Variants in COL13A1 observed in about 807,000 individuals in gnomAD.
The protein encoded by COL13A1 is collagen type XIII alpha 1 chain.
COL13A1 carries 89 observed loss-of-function variants against 130.9 expected under a neutral mutation model. That is an observed-to-expected ratio of 0.68 (90% CI 0.57 to 0.81). COL13A1 has a LOEUF of 0.81. COL13A1 is among the 30% of genes least tolerant of loss of function. The pLI, the probability that COL13A1 is intolerant of heterozygous loss-of-function variation, is 0.00. For missense variants in COL13A1, 879 were observed against 934.6 expected (o/e 0.94, Z 0.78); for synonymous variants, 402 against 341.6 (o/e 1.18, Z -1.95).
chr10:69,872,346 T>C, intron 4 of COL13A1, 136 bp downstream of exon 4: 1 of 1,000,932 alleles, frequency 1.0e-6, no homozygotes, highest in Non-Finnish European at 1.5e-6. Flanking sequence ...GTCCCTGATC[T>C]ATAGCTTAGG....
At chr10:69,917,462 TC>T in intron 18 of COL13A1, 129 bp downstream of exon 18, 1 of 803,674 alleles carries the variant, frequency 1.2e-6, no homozygotes, top group Non-Finnish European at 2.0e-6. Context: ...GCCCTGGTTC[TC>T]CCAGCTGCAG....
intron 2 of COL13A1, among the ~76,000 whole-genome samples, chr10:69,867,027 C>T (rs1334192232): frequency 6.6e-6 from 1 of 152,170 alleles, no homozygotes; most frequent in Non-Finnish European, 1.5e-5. Flanking sequence ...CTAAACCTTC[C>T]CTCCCGCTCC....
intron 40 of COL13A1, 99 bp from the exon 41 acceptor site, chr10:69,958,600 T>C (rs2071261078): frequency 1.3e-6 from 2 of 1,592,528 alleles, no homozygotes; most frequent in African/African-American, 1.3e-5. Flanking sequence ...AGAACTCCCA[T>C]CCAACCCAGG....
At chr10:69,927,248 G>C in intron 27 of COL13A1, 138 bp downstream of exon 27, 5 of 1,379,702 alleles carry the variant, frequency 3.6e-6, no homozygotes, top group Non-Finnish European at 5.1e-6. Context: ...AACAGGGCTG[G>C]GGCAGATGAT....
chr10:69,837,769 G>A (rs556417248), intron 2 of COL13A1, among the ~76,000 whole-genome samples: 21 of 151,796 alleles, frequency 1.4e-4, no homozygotes, highest in African/African-American at 4.6e-4. Context: ...TCATGTTCCC[G>A]TGGAACGGCG....
At chr10:69,895,483 G>A (rs72805171) in intron 12 of COL13A1, 67 bp from the exon 13 acceptor site, 30,320 of 1,548,372 alleles carry the variant, frequency 0.02, 366 homozygotes, top group Middle Eastern at 0.027. Context: ...AGTGCTGGGG[G>A]TGCCCTGAGA....
At chr10:69,893,752 G>A (rs1003278808) in intron 10 of COL13A1, among the ~76,000 whole-genome samples, 1 of 152,214 alleles carries the variant, frequency 6.6e-6, no homozygotes, top group African/African-American at 2.4e-5. Context: ...ACTGAGCCAT[G>A]GGGCCTTGTC....
intron 31 of COL13A1, among the ~76,000 whole-genome samples, chr10:69,933,195 A>G (rs2066388807): frequency 7.1e-6 from 1 of 140,990 alleles, no homozygotes; most frequent in Non-Finnish European, 1.5e-5. Flanking sequence ...AGCTCACAAT[A>G]CCCCATAATG....
intron 7 of COL13A1, among the ~76,000 whole-genome samples, chr10:69,885,656 G>A (rs529050275): frequency 6.6e-6 from 1 of 152,274 alleles, no homozygotes; most frequent in Non-Finnish European, 1.5e-5. Context: ...TGTCCCTAGC[G>A]GGATGGAAGA....
At chr10:69,876,669 A>G (rs1045237805) in intron 5 of COL13A1, among the ~76,000 whole-genome samples, 4 of 152,174 alleles carry the variant, frequency 2.6e-5, no homozygotes, top group Non-Finnish European at 5.9e-5. Context: ...AACGTGATTC[A>G]ACCATCCTTT....
At chr10:69,926,127 C>T (rs2065320282) in intron 26 of COL13A1, 1 of 515,474 alleles carries the variant, frequency 1.9e-6, no homozygotes, top group Admixed American at 3.4e-5. Context: ...GTTATCCTGC[C>T]TCAGGGCCCC....
In COL13A1 at chr10:69,921,923, C is replaced by T. The variant is rs1164538753; in HGVS notation, c.1131C>T (p.Leu377=). The change falls in exon 22 of 41, where the codon CTC becomes CTT. Residue 377 remains leucine (L), a synonymous_variant. Transcript: ENST00000645393. ...AAGGCTCCCCTGGGCTTCCTGGCCT[C>T]CTGGGGCAGAAGGTAGGTGTTGCTC... ...GAEGSPGLPG[L]LGQKGEKGDA... is the part of the protein sequence containing the mutation. 1.2e-6 allele frequency: 2 copies of T among 1,606,072 alleles called. No individual in the cohort carries two copies. The highest frequency in any genetic ancestry group is 1.7e-5 in the Admixed American group (1 of 59,032).
At chr10:69,861,361 C>T (rs1858020153) in intron 2 of COL13A1, among the ~76,000 whole-genome samples, 1 of 152,142 alleles carries the variant, frequency 6.6e-6, no homozygotes, top group Non-Finnish European at 1.5e-5. Context: ...CTCTGGGGAC[C>T]TCCTGGGGCC....
chr10:69,892,639 G>T (rs1460298132), intron 10 of COL13A1, among the ~76,000 whole-genome samples: 1 of 152,220 alleles, frequency 6.6e-6, no homozygotes, highest in Non-Finnish European at 1.5e-5. Context: ...CTCAGTGGCG[G>T]TTAGCACAGG....
At chr10:69,920,012 C>G (rs1040858023) in intron 21 of COL13A1, among the ~76,000 whole-genome samples, 1 of 152,216 alleles carries the variant, frequency 6.6e-6, no homozygotes, top group Non-Finnish European at 1.5e-5. Flanking sequence ...CTTTCCTTCT[C>G]CACATGGCCT....
intron 26 of COL13A1, among the ~76,000 whole-genome samples, chr10:69,926,320 T>G (rs2065350561): frequency 6.6e-6 from 1 of 152,222 alleles, no homozygotes; most frequent in Non-Finnish European, 1.5e-5. Context: ...TCCCCACCCT[T>G]TAAAGCAGGG....
At chr10:69,935,497 G>A in intron 32 of COL13A1, 106 bp downstream of exon 32, 2 of 871,102 alleles carry the variant, frequency 2.3e-6, no homozygotes, top group Non-Finnish European at 3.4e-6. Flanking sequence ...TCCTCCCAGG[G>A]AGGGATTTTC....
At position 69,947,340 on chromosome 10, in the gene COL13A1, C is replaced by T. The variant is rs756426858; in HGVS notation, c.2056C>T (p.Arg686Trp). The change falls in exon 38 of 41, where the codon CGG becomes TGG. Residue 686 changes from arginine (R) to tryptophan (W), a missense_variant and splice_region_variant. Arg to Trp is a moderately radical substitution (Grantham distance 101). Coordinates refer to ENST00000645393, the MANE Select transcript of COL13A1 (RefSeq NM_001368882.1). ...LHGPPGDKGN[R>W]GERGKKGSRG... ...TGGACCACCCGGGGACAAGGGAAAC[C>T]GGGTGAGTCTGAGCCCCTGCACTCG... 10 of 1,612,202 alleles carry T rather than the reference C, an allele frequency of 6.2e-6. No homozygotes were observed. Among genetic ancestry groups the T allele is most frequent in the Non-Finnish European group, 8.5e-6 (10 of 1,179,080 alleles).
At chr10:69,868,722 G>A (rs1427967667) in intron 3 of COL13A1, among the ~76,000 whole-genome samples, 1 of 152,106 alleles carries the variant, frequency 6.6e-6, no homozygotes, top group African/African-American at 2.4e-5. Flanking sequence ...TTTAGTAAAG[G>A]CCATTATCGA....
Sources: allele counts gnomAD v4.1 joint callset (sites outside exome capture counted in the v4.1 genomes callset), GRCh38; gene constraint gnomAD v4.1.1; transcripts MANE v1.5; gene names NCBI Gene and HGNC (gene_info 2026-07-23, HGNC 2026-07-21).